MCPH1: variants seen among roughly 807,000 people sequenced by gnomAD.
The protein encoded by MCPH1 is microcephalin.
Under a neutral mutation model 84.5 loss-of-function variants are expected in MCPH1, and 104 were observed. The ratio of observed to expected loss-of-function variants is 1.23; its 90% confidence interval spans 1.05 to 1.45. MCPH1 has a LOEUF of 1.45. Ranked by LOEUF, MCPH1 falls within the 40% of genes most tolerant of loss-of-function variation. The pLI is 0.00. For missense variants in MCPH1, 1,498 were observed against 1,005.7 expected, an observed-to-expected ratio of 1.49 and a Z score of -6.62; for synonymous variants, 514 against 366.8, an observed-to-expected ratio of 1.40 and a Z score of -4.58.
intron 13 of MCPH1, chr8:6,625,496 C>A (rs528605095): frequency 1.0e-6 from 1 of 984,614 alleles, no homozygotes; most frequent in Non-Finnish European, 1.2e-6. Context: ...TATATCAAAC[C>A]ATTTTAAAGC....
At chr8:6,594,183 C>T (rs375508388) in intron 12 of MCPH1, among the ~76,000 whole-genome samples, 15 of 152,212 alleles carry the variant, frequency 9.9e-5, no homozygotes, top group East Asian at 5.8e-4. Context: ...CCCCGCTCCC[C>T]GTGTGCCCAG....
At chr8:6,542,163 G>C (rs919286808) in intron 12 of MCPH1, among the ~76,000 whole-genome samples, 1 of 152,108 alleles carries the variant, frequency 6.6e-6, no homozygotes, top group Admixed American at 6.6e-5. Flanking sequence ...CTGAATTTAA[G>C]GCACACTGAA....
chr8:6,643,217 GA>G lies in MCPH1; in HGVS notation c.*169del. 1.5e-6 allele frequency: 1 copy of G among 689,316 alleles called. No individual in the cohort carries two copies. The highest frequency in any genetic ancestry group is 2.6e-6 in the Non-Finnish European group (1 of 380,384). The allele number at this position is 689,316 out of a possible 1,614,324, so 42.7% of individuals were successfully genotyped here. Reference sequence around the variant, plus strand: ...CTTAAGAACTCATAGGTGACTTTCTGATGACTGAATGTCTGTTTCAGAGACG... The same window carrying G: ...CTTAAGAACTCATAGGTGACTTTCTGTGACTGAATGTCTGTTTCAGAGACG... On this transcript the variant is annotated 3_prime_UTR_variant, in exon 14 of 14. Transcript: ENST00000344683.
rs374800057 is a variant in MCPH1 at position 6,621,625 on chromosome 8, G to C, written c.2386G>C (p.Val796Leu). ...CCAAGTCCCCCGCCAGGCCAGCATC[G>C]TCATCGGGCCCTACAGCGGAAAGAA... ...VSQVPRQASI[V>L]IGPYSGKKKA... The change falls in exon 13 of 14, where the codon GTC (valine) becomes CTC (leucine). Residue 796 changes from valine to leucine, a missense_variant. Physicochemically the swap from Val to Leu is conservative, Grantham distance 32. Coordinates refer to ENST00000344683, the MANE Select transcript of MCPH1 (RefSeq NM_024596.5). 3 of 1,614,196 alleles carry C rather than the reference G, an allele frequency of 1.9e-6. No individual in the cohort carries two copies. In the South Asian group the frequency reaches 3.3e-5, roughly 18 times the overall value.
chr8:6,458,661 C>A (rs559690243), intron 9 of MCPH1, among the ~76,000 whole-genome samples: 1 of 152,028 alleles, frequency 6.6e-6, no homozygotes, highest in African/African-American at 2.4e-5. Context: ...TTTTATTTTT[C>A]TGAGATGGAG....
At chr8:6,561,508 AGGT>A (rs993326798) in intron 12 of MCPH1, among the ~76,000 whole-genome samples, 3 of 152,208 alleles carry the variant, frequency 2.0e-5, no homozygotes, top group Admixed American at 6.5e-5. Context: ...TCCTAACAAA[AGGT>A]TTATGGTGAA....
intron 8 of MCPH1, among the ~76,000 whole-genome samples, chr8:6,447,590 G>A (rs540392748): frequency 4.6e-4 from 70 of 152,158 alleles, no homozygotes; most frequent in African/African-American, 1.6e-3. Flanking sequence ...CGCACTTGAC[G>A]CCCAGGTTGG....
At chr8:6,621,328 G>T in intron 12 of MCPH1, 126 bp from the exon 13 acceptor site, 2 of 1,201,822 alleles carry the variant, frequency 1.7e-6, no homozygotes, top group Non-Finnish European at 1.2e-6. Context: ...AAATTCACAG[G>T]AGCATGGCAG....
At position 6,478,985 on chromosome 8, in the gene MCPH1, C is replaced by A. The variant is rs575091241; in HGVS notation, c.1973+1354C>A. On this transcript the variant is annotated intron_variant, in intron 10 of 13. Coordinates refer to ENST00000344683, the MANE Select transcript of MCPH1 (RefSeq NM_024596.5). Reference sequence around the variant, plus strand: ...ATCACTAGAGATAAAACTAAGAAGGCTGGGTGTGTTGGTTCACGGCTATAA... The same window carrying A: ...ATCACTAGAGATAAAACTAAGAAGGATGGGTGTGTTGGTTCACGGCTATAA... 9.9e-4 allele frequency among the ~76,000 whole-genome samples: 151 copies of A among 152,264 alleles called. No homozygotes were observed. In the Middle Eastern group the frequency reaches 0.017, roughly 17 times the overall value.
intron 8 of MCPH1, among the ~76,000 whole-genome samples, chr8:6,448,211 G>A (rs1804667232): frequency 6.6e-6 from 1 of 152,326 alleles, no homozygotes; most frequent in South Asian, 2.1e-4. Flanking sequence ...ACCAACGAAG[G>A]CTTCCCTGAG....
intron 12 of MCPH1, among the ~76,000 whole-genome samples, chr8:6,576,682 AT>A (rs58486084): frequency 9.4e-5 from 4 of 42,346 alleles, no homozygotes; most frequent in Non-Finnish European, 2.1e-4. Context: ...TAATTTTTGT[AT>A]TTTTTTTTTT....
At chr8:6,590,207 A>AC (rs201065770) in intron 12 of MCPH1, among the ~76,000 whole-genome samples, 2 of 113,338 alleles carry the variant, frequency 1.8e-5, no homozygotes, top group African/African-American at 3.5e-5. Flanking sequence ...GTGAACAACA[A>AC]AAAAAAAAAA....
intron 13 of MCPH1, among the ~76,000 whole-genome samples, chr8:6,637,721 G>A (rs1446256691): frequency 4.6e-5 from 7 of 152,038 alleles, no homozygotes; most frequent in African/African-American, 9.7e-5. Flanking sequence ...TTGAACTCCT[G>A]GGCTCAACGG....
chr8:6,479,703 G>A (rs1808946003), intron 10 of MCPH1, among the ~76,000 whole-genome samples: 1 of 152,088 alleles, frequency 6.6e-6, no homozygotes. Context: ...AATTTTCTGG[G>A]AGAGAGAGAA....
At chr8:6,545,981 T>C (rs1822515060) in intron 12 of MCPH1, among the ~76,000 whole-genome samples, 1 of 152,224 alleles carries the variant, frequency 6.6e-6, no homozygotes, top group Admixed American at 6.5e-5. Context: ...ATTTGTGACA[T>C]TGGAAGCCAT....
chr8:6,624,821 C>T (rs1310892392), intron 13 of MCPH1: 12 of 985,180 alleles, frequency 1.2e-5, no homozygotes, highest in Non-Finnish European at 1.3e-5. Context: ...CGTTTCCTGC[C>T]TCATCCAGGT....
Position 6,566,988 on chromosome 8 carries a change from CGGTGTGT to C in MCPH1, c.2215-54464_2215-54458del, listed in dbSNP as rs1563138278. On this transcript the variant is annotated intron_variant, in intron 12 of 13. Transcript: ENST00000344683. ...ATGGATAGTACACGCGGTGCGGTGA[CGGTGTGT>C]GATCGGCAAGGCCATAGATAGTGCA... 1.8e-4 allele frequency among the ~76,000 whole-genome samples: 25 copies of C among 140,868 alleles called. 1 individual carries two copies. The highest frequency in any genetic ancestry group is 2.6e-4 in the Non-Finnish European group (17 of 65,502). 92.4% of individuals were successfully genotyped at this position (140,868 alleles called of 152,430 possible).
chr8:6,419,461 C>T (rs1353938304), intron 3 of MCPH1, among the ~76,000 whole-genome samples: 6 of 151,676 alleles, frequency 4.0e-5, no homozygotes, highest in African/African-American at 1.5e-4. Flanking sequence ...GGCGCAATCT[C>T]GGCTCACTGT....
At chr8:6,540,240 CTT>C (rs1337286997) in intron 12 of MCPH1, among the ~76,000 whole-genome samples, 2 of 152,274 alleles carry the variant, frequency 1.3e-5, no homozygotes, top group East Asian at 1.9e-4. Flanking sequence ...CATTTTACCT[CTT>C]TGTGTGTTTC....
Sources: gnomAD v4.1 joint callset for allele counts (sites outside exome capture counted in the v4.1 genomes callset) on GRCh38, gnomAD v4.1.1 for gene constraint, MANE v1.5 for transcripts, NCBI Gene and HGNC (gene_info 2026-07-23, HGNC 2026-07-21) for gene names.